Variants in LGSN observed in about 807,000 individuals in gnomAD.
The protein encoded by LGSN is lengsin, lens protein with glutamine synthetase domain.
A neutral mutation model predicts 19.5 loss-of-function variants in LGSN; 21 were observed. The ratio of observed to expected loss-of-function variants is 1.07; its 90% CI spans 0.76 to 1.55. The LOEUF is 1.55. Among genes scored for constraint, LGSN ranks in the 40% most tolerant of loss-of-function variants. The pLI is 0.00. For missense variants in LGSN, 673 were observed against 608.5 expected (o/e 1.11, Z -1.12); for synonymous variants, 257 against 215.6 (o/e 1.19, Z -1.68).
chr6:63,422,029 G>C, the LGSN span, among the ~76,000 whole-genome samples: 1 of 152,134 alleles, frequency 6.6e-6, no homozygotes, highest in African/African-American at 2.4e-5. Context: ...ACATATAATA[G>C]TCAAATTTCT....
At chr6:63,331,500 T>G in the LGSN span, among the ~76,000 whole-genome samples, 1 of 152,188 alleles carries the variant, frequency 6.6e-6, no homozygotes, top group Non-Finnish European at 1.5e-5. Flanking sequence ...AGCCTGTTGA[T>G]GCCTGAGTGT....
chr6:63,388,014 C>T, the LGSN span, among the ~76,000 whole-genome samples: 1 of 151,916 alleles, frequency 6.6e-6, no homozygotes, highest in Non-Finnish European at 1.5e-5. Context: ...AACAGGTGCC[C>T]ACCATCATGC....
the LGSN span, among the ~76,000 whole-genome samples, chr6:63,376,402 A>G: frequency 1.2e-3 from 188 of 152,296 alleles, no homozygotes; most frequent in African/African-American, 4.5e-3. Flanking sequence ...TTCTTAATCA[A>G]TACTTTCTAT....
chr6:63,291,516 C>T (rs1767769089), intron 2 of LGSN, among the ~76,000 whole-genome samples: 1 of 152,180 alleles, frequency 6.6e-6, no homozygotes, highest in African/African-American at 2.4e-5. Context: ...TGAACTCCTC[C>T]CCACCTTCAG....
At chr6:63,423,764 A>G in the LGSN span, among the ~76,000 whole-genome samples, 1 of 152,176 alleles carries the variant, frequency 6.6e-6, no homozygotes, top group Non-Finnish European at 1.5e-5. Context: ...CTGACCAGGC[A>G]TGATGGCTCA....
chr6:63,448,173 T>C, the LGSN span, among the ~76,000 whole-genome samples: 3 of 152,196 alleles, frequency 2.0e-5, no homozygotes, highest in Non-Finnish European at 4.4e-5. Context: ...AAAGACACCA[T>C]GCTAATATAG....
At chr6:63,399,810 C>T in the LGSN span, among the ~76,000 whole-genome samples, 24 of 152,224 alleles carry the variant, frequency 1.6e-4, no homozygotes, top group African/African-American at 5.5e-4. Context: ...ATCCTCTCAC[C>T]TCAGCCTCCT....
At chr6:63,346,376 C>G in the LGSN span, among the ~76,000 whole-genome samples, 14 of 151,166 alleles carry the variant, frequency 9.3e-5, no homozygotes, top group South Asian at 2.9e-3. Flanking sequence ...AAAAAGCTTC[C>G]GTAAAAATCC....
the LGSN span, among the ~76,000 whole-genome samples, chr6:63,353,379 T>A: frequency 6.6e-6 from 1 of 152,066 alleles, no homozygotes; most frequent in Non-Finnish European, 1.5e-5. Context: ...AATGTTCCCA[T>A]CCCTGGCAAC....
the LGSN span, among the ~76,000 whole-genome samples, chr6:63,437,934 T>A: frequency 5.4e-4 from 82 of 151,848 alleles, no homozygotes; most frequent in Non-Finnish European, 9.3e-4. Flanking sequence ...TCTCAAAAAA[T>A]ATATATATAT....
the LGSN span, among the ~76,000 whole-genome samples, chr6:63,478,364 T>C: frequency 1.3e-5 from 2 of 152,190 alleles, no homozygotes; most frequent in Non-Finnish European, 2.9e-5. Context: ...GGAAGCACAG[T>C]GCGGAGTGAC....
intron 1 of LGSN, among the ~76,000 whole-genome samples, chr6:63,298,993 T>C (rs1004273389): frequency 4.6e-5 from 7 of 152,222 alleles, no homozygotes; most frequent in Admixed American, 3.3e-4. Context: ...AAGAGAATTA[T>C]ATAAAGTGTT....
At chr6:63,441,877 GC>G in the LGSN span, 1 of 270,302 alleles carries the variant, frequency 3.7e-6, no homozygotes, top group Non-Finnish European at 7.2e-6. Flanking sequence ...TACAGCAGCT[GC>G]CCCTTTGTGT....
At chr6:63,342,987 A>C in the LGSN span, among the ~76,000 whole-genome samples, 1 of 152,136 alleles carries the variant, frequency 6.6e-6, no homozygotes, top group African/African-American at 2.4e-5. Flanking sequence ...GTTGGATCAA[A>C]ATATTGCTTC....
chr6:63,333,647 AAGGAAGGGGAAGGGAAG>A, the LGSN span, among the ~76,000 whole-genome samples: 1 of 149,218 alleles, frequency 6.7e-6, no homozygotes, highest in Admixed American at 6.6e-5. Flanking sequence ...AGAAAAAGGA[AAGGAAGGGGAAGGGAAG>A]AGGAAGGGGA....
upstream of LGSN, among the ~76,000 whole-genome samples, chr6:63,320,660 G>C (rs1301578770): frequency 1.3e-5 from 2 of 152,170 alleles, no homozygotes; most frequent in African/African-American, 4.8e-5. Context: ...CTCTTCACTA[G>C]TAAAGGGGGT....
the LGSN span, among the ~76,000 whole-genome samples, chr6:63,425,799 C>A: frequency 6.6e-6 from 1 of 150,664 alleles, no homozygotes; most frequent in Admixed American, 6.6e-5. Flanking sequence ...TAGTGAGACC[C>A]CACCTGTATA....
chr6:63,386,769 T>G, the LGSN span, among the ~76,000 whole-genome samples: 15 of 152,182 alleles, frequency 9.9e-5, no homozygotes, highest in African/African-American at 3.6e-4. Context: ...TAAGGGGATA[T>G]TATAGTCGTC....
the LGSN span, among the ~76,000 whole-genome samples, chr6:63,533,761 A>T: frequency 2.6e-5 from 4 of 152,166 alleles, no homozygotes; most frequent in African/African-American, 4.8e-5. Context: ...TGAGAAATGT[A>T]TGGGGAAGTA....
Sources: allele counts gnomAD v4.1 joint callset (sites outside exome capture counted in the v4.1 genomes callset), GRCh38; gene constraint gnomAD v4.1.1; transcripts MANE v1.5; gene names NCBI Gene and HGNC (gene_info 2026-07-23, HGNC 2026-07-21).